MKRN2: variants seen among roughly 807,000 people sequenced by gnomAD.
MKRN2 encodes the protein makorin ring finger protein 2.
In MKRN2, 32 loss-of-function variants were observed where a neutral mutation model predicts 45.4. That is an observed-to-expected ratio of 0.70 (90% CI 0.53 to 0.95). The LOEUF (loss-of-function observed/expected upper bound fraction) is 0.95. Among genes scored for constraint, MKRN2 ranks in the 40% least tolerant of loss-of-function variants. The pLI is 0.00. For synonymous variants in MKRN2, 206 were observed against 192.4 expected (o/e 1.07, Z -0.59); for missense variants, 526 against 536.7 (o/e 0.98, Z 0.20).
At chr3:12,571,752 G>A (rs923504222) in intron 3 of MKRN2, among the ~76,000 whole-genome samples, 7 of 152,160 alleles carry the variant, frequency 4.6e-5, no homozygotes, top group African/African-American at 1.7e-4. Context: ...ACTGGTCCAT[G>A]TGTTAACATT....
At chr3:12,567,422 A>C (rs1238634684) in intron 1 of MKRN2, among the ~76,000 whole-genome samples, 1 of 148,472 alleles carries the variant, frequency 6.7e-6, no homozygotes. Flanking sequence ...GGTGCATACC[A>C]CCATGCTAGG....
intron 6 of MKRN2, among the ~76,000 whole-genome samples, chr3:12,579,668 C>T (rs2058165222): frequency 6.6e-6 from 1 of 152,106 alleles, no homozygotes; most frequent in South Asian, 2.1e-4. Context: ...AGGACATGGG[C>T]ACAGAAGGGT....
At chr3:12,569,106 C>A in intron 2 of MKRN2, 103 bp downstream of exon 2, 1 of 1,347,182 alleles carries the variant, frequency 7.4e-7, no homozygotes, top group Non-Finnish European at 1.0e-6. Context: ...GGCAACATCA[C>A]AAAAAGTATG....
chr3:12,563,323 C>G (rs2058050562), intron 1 of MKRN2, among the ~76,000 whole-genome samples: 1 of 152,126 alleles, frequency 6.6e-6, no homozygotes, highest in Non-Finnish European at 1.5e-5. Context: ...AGCACTTCCT[C>G]TGCTTTTGGG....
Position 12,557,137 on chromosome 3 carries a change from T to G in MKRN2, c.-14T>G. On this transcript the variant is annotated 5_prime_UTR_variant, in exon 1 of 8. Coordinates refer to ENST00000170447, the MANE Select transcript of MKRN2 (RefSeq NM_014160.5). ...GAGGCGGCGGCACGACGACGGTCCC[T>G]CAGCCCAGCCACCATGAGCACCAAG... is the stretch of plus-strand genomic sequence containing the variant. 1 of 1,508,032 alleles carries G rather than the reference T, an allele frequency of 6.6e-7. No individual in the cohort carries two copies. Among genetic ancestry groups the G allele is most frequent in the Non-Finnish European group, 8.8e-7 (1 of 1,130,230 alleles). 93.4% of individuals were successfully genotyped at this position (1,508,032 alleles called of 1,614,324 possible).
intron 1 of MKRN2, among the ~76,000 whole-genome samples, chr3:12,563,770 G>A (rs1251957704): frequency 7.1e-6 from 1 of 141,512 alleles, no homozygotes; most frequent in Non-Finnish European, 1.5e-5. Context: ...TTACGGGTGT[G>A]AGCCACCACA....
chr3:12,568,520 G>A (rs1001913003), intron 1 of MKRN2, among the ~76,000 whole-genome samples: 56 of 152,314 alleles, frequency 3.7e-4, no homozygotes, highest in African/African-American at 1.0e-3. Context: ...TTCTGGTTTC[G>A]TTAGTCATGC....
intron 1 of MKRN2, among the ~76,000 whole-genome samples, chr3:12,568,575 G>A (rs2442803): frequency 0.58 from 88,404 of 152,022 alleles, 28,158 homozygotes; most frequent in African/African-American, 0.84. Context: ...TTCACAGAGT[G>A]TTTTCTCAAT....
At chr3:12,581,673 C>A in intron 6 of MKRN2, 135 bp from the exon 7 acceptor site, 1 of 921,790 alleles carries the variant, frequency 1.1e-6, no homozygotes, top group Non-Finnish European at 1.7e-6. Flanking sequence ...CCTCTCCCAG[C>A]CTCAGCTGCC....
At chr3:12,568,407 T>G (rs1225862680) in intron 1 of MKRN2, among the ~76,000 whole-genome samples, 7 of 152,208 alleles carry the variant, frequency 4.6e-5, no homozygotes, top group Non-Finnish European at 1.5e-5. Context: ...ACCAGTTAAG[T>G]GGGTAGTATA....
At chr3:12,569,309 C>A (rs1050741003) in intron 2 of MKRN2, among the ~76,000 whole-genome samples, 1 of 143,616 alleles carries the variant, frequency 7.0e-6, no homozygotes, top group African/African-American at 2.7e-5. Flanking sequence ...TCTGCCACTA[C>A]GCCTGGCTGA....
At chr3:12,580,368 G>A (rs756386971) in intron 6 of MKRN2, among the ~76,000 whole-genome samples, 3 of 152,208 alleles carry the variant, frequency 2.0e-5, no homozygotes, top group South Asian at 4.1e-4. Flanking sequence ...AGGATGTGTC[G>A]TCCACACACC....
intron 6 of MKRN2, among the ~76,000 whole-genome samples, chr3:12,578,821 G>T (rs75859540): frequency 0.015 from 2,154 of 147,554 alleles, 52 homozygotes; most frequent in African/African-American, 0.048. Flanking sequence ...CTTTTTTAAT[G>T]GTTCCTTTAT....
At chr3:12,560,806 C>G (rs888206607) in intron 1 of MKRN2, 1 of 152,346 alleles carries the variant, frequency 6.6e-6, no homozygotes, top group Non-Finnish European at 1.5e-5. Flanking sequence ...CGTCTCTCCC[C>G]TCCTCCAGTT....
chr3:12,568,911 G>C lies in MKRN2; in HGVS notation c.63G>C (p.Gln21His), dbSNP rs1393284471. Residue 21 changes from glutamine (Q) to histidine (H), a missense_variant, in exon 2 of 8, where the codon CAG becomes CAC. Transcript: ENST00000170447. ...ATGGTGTGTGTCGGGAAGGAAGTCA[G>C]TGCCTATTCTCACATGACTTGGCAA... ...FMHGVCREGS[Q>H]CLFSHDLANS... is the part of the protein sequence containing the mutation. 2 of 1,614,158 alleles carry C rather than the reference G, an allele frequency of 1.2e-6. No homozygotes were observed. The highest frequency in any genetic ancestry group is 1.3e-5 in the African/African-American group (1 of 75,032).
intron 6 of MKRN2, among the ~76,000 whole-genome samples, chr3:12,578,252 T>C (rs1382622996): frequency 1.3e-5 from 2 of 151,678 alleles, no homozygotes; most frequent in Admixed American, 6.6e-5. Flanking sequence ...GATTTCCCCT[T>C]GGAGTTTTAG....
At chr3:12,571,518 G>T (rs2058099154) in intron 3 of MKRN2, among the ~76,000 whole-genome samples, 1 of 152,184 alleles carries the variant, frequency 6.6e-6, no homozygotes, top group Non-Finnish European at 1.5e-5. Context: ...GAGTAATCCT[G>T]TGAGAATACG....
Position 12,581,858 on chromosome 3 carries a change from G to A in MKRN2, c.1019G>A (p.Gly340Glu). Residue 340 changes from glycine (G) to glutamate (E), a missense_variant, in exon 7 of 8, where the codon GGA (glycine) becomes GAA (glutamate). Transcript: ENST00000170447. ...FEQGKGTCPFGSKCLYRHAYP... is the reference protein window; with the variant it reads ...FEQGKGTCPFESKCLYRHAYP... ...CAAGGCAAGGGGACCTGCCCATTTG[G>A]AAGCAAATGTCTTTATCGCCATGCT... is the stretch of plus-strand genomic sequence containing the variant. 1 of 1,614,180 alleles carries A rather than the reference G, an allele frequency of 6.2e-7. No homozygotes were observed. Among genetic ancestry groups the A allele is most frequent in the Non-Finnish European group, 8.5e-7 (1 of 1,180,048 alleles).
intron 6 of MKRN2, among the ~76,000 whole-genome samples, chr3:12,581,459 G>GA (rs2058177839): frequency 1.3e-5 from 2 of 152,154 alleles, no homozygotes; most frequent in African/African-American, 2.4e-5. Flanking sequence ...GTGCCCAGAG[G>GA]AGTGACCAGG....
Sources: gnomAD v4.1 joint callset for allele counts (sites outside exome capture counted in the v4.1 genomes callset) on GRCh38, gnomAD v4.1.1 for gene constraint, MANE v1.5 for transcripts, NCBI Gene and HGNC (gene_info 2026-07-23, HGNC 2026-07-21) for gene names.